PRDM15: variants seen among roughly 807,000 people sequenced by gnomAD.
PRDM15 encodes the protein PR domain zinc finger protein 15.
A neutral mutation model predicts 128.6 loss-of-function variants in PRDM15; 64 were observed. The ratio of observed to expected loss-of-function variants is 0.50; its 90% confidence interval spans 0.41 to 0.61. The LOEUF (loss-of-function observed/expected upper bound fraction) is 0.61. Ranked by LOEUF, PRDM15 falls within the 20% of genes least tolerant of loss-of-function variation. The pLI, the probability that PRDM15 is intolerant of heterozygous loss-of-function variation, is 0.00. For synonymous variants in PRDM15, 615 were observed against 621.8 expected, an observed-to-expected ratio of 0.99 and a Z score of 0.16; for missense variants, 1,242 against 1,569.1, an observed-to-expected ratio of 0.79 and a Z score of 3.52.
At chr21:41,873,350 G>C (rs941529360) in intron 1 of PRDM15, among the ~76,000 whole-genome samples, 2 of 152,138 alleles carry the variant, frequency 1.3e-5, no homozygotes, top group Non-Finnish European at 2.9e-5. Flanking sequence ...CTCACACCTC[G>C]GTTAGGCTGC....
chr21:41,815,227 G>A (rs2062010215), intron 19 of PRDM15, among the ~76,000 whole-genome samples: 1 of 152,208 alleles, frequency 6.6e-6, no homozygotes, highest in Non-Finnish European at 1.5e-5. Flanking sequence ...TCCTTTCTAT[G>A]CACATCAGCG....
Position 41,859,346 on chromosome 21 carries a change from C to G in PRDM15, c.131+246G>C, listed in dbSNP as rs1270188967. The G allele has an allele frequency of 4.1e-6, 4 of 970,728 alleles. No individual in the cohort carries two copies. Among genetic ancestry groups the G allele is most frequent in the African/African-American group, 3.2e-5 (2 of 62,298 alleles). 60.1% of individuals were successfully genotyped at this position (970,728 alleles called of 1,614,324 possible). ...CCTCCACACACTGTGTCGGGAACAG[C>G]TGGGCTCCAGCTAAGAACCCTGGAG... On this transcript the variant is annotated intron_variant, in intron 3 of 23. Transcript: ENST00000398548. The surrounding 1 kb of genome is among the most constrained non-coding windows in gnomAD (Gnocchi z 5.3).
At chr21:41,841,325 A>G (rs1353528827) in intron 6 of PRDM15, among the ~76,000 whole-genome samples, 1 of 152,268 alleles carries the variant, frequency 6.6e-6, no homozygotes, top group Non-Finnish European at 1.5e-5. Context: ...ACTTACCAAG[A>G]ATAATAATGG....
chr21:41,827,621 C>T (rs140412709), intron 12 of PRDM15, among the ~76,000 whole-genome samples: 1,626 of 152,266 alleles, frequency 0.011, 32 homozygotes, highest in African/African-American at 0.037. Context: ...GGATTCCAGG[C>T]GTGAGCCACC....
intron 7 of PRDM15, among the ~76,000 whole-genome samples, 191 bp downstream of exon 7, chr21:41,839,432 T>C (rs1466475759): frequency 1.3e-5 from 2 of 152,244 alleles, no homozygotes; most frequent in South Asian, 2.1e-4. Context: ...TAGTGTGACA[T>C]GTATTACATG....
intron 12 of PRDM15, among the ~76,000 whole-genome samples, 178 bp from the exon 13 acceptor site, chr21:41,826,232 T>A (rs1486785422): frequency 2.0e-5 from 3 of 152,206 alleles, no homozygotes; most frequent in Non-Finnish European, 4.4e-5. Context: ...GCATCAGCAC[T>A]AACCACCATT....
chr21:41,835,427 G>T lies in PRDM15; in HGVS notation c.1366+10C>A. 6.2e-7 allele frequency: 1 copy of T among 1,602,226 alleles called. No homozygotes were observed. On this transcript the variant is annotated intron_variant, in intron 11 of 23. Coordinates refer to ENST00000398548, the MANE Select transcript of PRDM15 (RefSeq NM_001040424.3). ...CAGCGGCCGAGGGGAGACGTGACCG[G>T]CGCCCTCACCTGTCCTGCAGTTGTG...
chr21:41,820,865 C>A lies in PRDM15; in HGVS notation c.2060+202G>T, dbSNP rs535897744. On this transcript the variant is annotated intron_variant, in intron 16 of 23. Coordinates refer to ENST00000398548, the MANE Select transcript of PRDM15 (RefSeq NM_001040424.3). The stretch of plus-strand genomic sequence containing the variant: ...GGCCAGCTGGTGCCAGGAGACTATG[C>A]GGAAGCACAGGATAAACCCCAGCCC... Among the ~76,000 whole-genome samples the A allele has an allele frequency of 3.9e-5, 6 of 152,336 alleles. No homozygotes were observed. The East Asian group carries it at 1.2e-3, about 29-fold the overall frequency.
In PRDM15 at chr21:41,861,852, C is replaced by G. The variant is rs576086297; in HGVS notation, c.-9-1480G>C. 6.5e-5 allele frequency: 103 copies of G among 1,576,276 alleles called. 3 individuals carry two copies. The South Asian group carries it at 1.1e-3, about 17-fold the overall frequency. ...GAGTTCCAATTTGCCCTTAAAATGC[C>G]AGAAATAACAAGGGGAGGGGGGTGA... On this transcript the variant is annotated intron_variant, in intron 1 of 23. Transcript: ENST00000398548.
At position 41,859,808 on chromosome 21, in the gene PRDM15, G is replaced by T; in HGVS notation, c.38-123C>A. 1.3e-6 allele frequency: 1 copy of T among 767,524 alleles called. No homozygotes were observed. The highest frequency in any genetic ancestry group is 2.7e-5 in the East Asian group (1 of 37,166). 47.5% of individuals were successfully genotyped at this position (767,524 alleles called of 1,614,324 possible). ...CAGAGTCATGAGACACATGCATGCC[G>T]ACACTGCAAAGACAAGCAAGGGAGG... is the stretch of plus-strand genomic sequence containing the variant. On this transcript the variant is annotated intron_variant, in intron 2 of 23. Transcript: ENST00000398548. The surrounding 1 kb of genome is among the most constrained non-coding windows in gnomAD (Gnocchi z 5.3).
At chr21:41,839,583 C>A (rs368963125) in intron 7 of PRDM15, 40 bp downstream of exon 7, 149 of 1,573,396 alleles carry the variant, frequency 9.5e-5, no homozygotes, top group Non-Finnish European at 1.3e-4. Context: ...AGGAGGGCTG[C>A]GCCCCACGCA....
In PRDM15 at chr21:41,804,570, G is replaced by C; in HGVS notation, c.2697C>G (p.Thr899=). The C allele has an allele frequency of 6.4e-7, 1 of 1,572,096 alleles. No homozygotes were observed. Among genetic ancestry groups the C allele is most frequent in the Non-Finnish European group, 8.6e-7 (1 of 1,158,520 alleles). ...RIDDLDHLPE[T]TTIDASSIGI... is the part of the protein sequence containing the mutation. Reference sequence around the variant, plus strand: ...CAATGGAGGAGGCGTCGATGGTGGTGGTCTCCGGGAGGTGGTCCAGGTCAT... The same window carrying C: ...CAATGGAGGAGGCGTCGATGGTGGTCGTCTCCGGGAGGTGGTCCAGGTCAT... The change falls in exon 22 of 24, where the codon ACC becomes ACG. Residue 899 remains threonine, a synonymous_variant. Transcript: ENST00000398548.
At position 41,821,185 on chromosome 21, in the gene PRDM15, C is replaced by T. The variant is rs770614915; in HGVS notation, c.1942G>A (p.Val648Met). 4 of 1,614,070 alleles carry T rather than the reference C, an allele frequency of 2.5e-6. No homozygotes were observed. The African/African-American group carries it at 5.3e-5, about 22-fold the overall frequency. ...CAGCCATAGCCCTTCTCCTTGTGCA[C>T]CTCCATGATGTGCTTCAGGTACTCC... ...GKEYLKHIME[V>M]HKEKGYGCSI... Residue 648 changes from valine (V) to methionine (M), a missense_variant, in exon 16 of 24, where the codon GTG (valine) becomes ATG (methionine). Val to Met is a conservative substitution (Grantham distance 21, BLOSUM62 1). Coordinates refer to ENST00000398548, the MANE Select transcript of PRDM15 (RefSeq NM_001040424.3). This position sits in a 1 kb window ranked among gnomAD's most constrained non-coding sequence, Gnocchi z 5.4.
chr21:41,802,817 A>G lies in PRDM15; in HGVS notation c.2838T>C (p.Ala946=). 2 of 1,614,158 alleles carry G rather than the reference A, an allele frequency of 1.2e-6. No homozygotes were observed. The highest frequency in any genetic ancestry group is 1.7e-6 in the Non-Finnish European group (2 of 1,180,010). The change falls in exon 23 of 24, where the codon GCT becomes GCC. Residue 946 remains alanine, a synonymous_variant. Coordinates refer to ENST00000398548, the MANE Select transcript of PRDM15 (RefSeq NM_001040424.3). ...RKQKPEEEAG[A]PVPEDATFSE... is the part of the protein sequence containing the mutation. ...TGAAGGTGGCGTCCTCGGGCACCGG[A>G]GCACCCGCCTCCTCTTCTGGCTTCT...
intron 1 of PRDM15, chr21:41,861,874 G>A (rs750402436): frequency 2.2e-5 from 35 of 1,585,950 alleles, no homozygotes; most frequent in Non-Finnish European, 2.5e-5. Context: ...GGGGAGGGGG[G>A]TGAAATTTTC....
chr21:41,818,588 T>C (rs1601183910), intron 18 of PRDM15, among the ~76,000 whole-genome samples: 1 of 152,322 alleles, frequency 6.6e-6, no homozygotes, highest in Non-Finnish European at 1.5e-5. Flanking sequence ...TTTCTGGCCT[T>C]TTCTGCAGGC....
At chr21:41,861,260 G>A (rs1020647589) in intron 1 of PRDM15, among the ~76,000 whole-genome samples, 3 of 152,160 alleles carry the variant, frequency 2.0e-5, no homozygotes, top group African/African-American at 7.2e-5. Flanking sequence ...GAGGACTCTC[G>A]TGCTCCCACA....
Position 41,804,649 on chromosome 21 carries a change from G to A in PRDM15, c.2653-35C>T, listed in dbSNP as rs1334141950. The A allele has an allele frequency of 2.7e-6, 4 of 1,501,612 alleles. No individual in the cohort carries two copies. The South Asian group carries it at 5.1e-5, about 19-fold the overall frequency. 93.0% of individuals were successfully genotyped at this position (1,501,612 alleles called of 1,614,324 possible). On this transcript the variant is annotated intron_variant, in intron 21 of 23. Coordinates refer to ENST00000398548, the MANE Select transcript of PRDM15 (RefSeq NM_001040424.3). The stretch of plus-strand genomic sequence containing the variant: ...GCACAGGGCATGAGCTGGGGGTCAG[G>A]GTGCTGCTGATGCAGGTGGGAACCC...
intron 1 of PRDM15, among the ~76,000 whole-genome samples, chr21:41,874,067 C>T (rs1022945625): frequency 2.7e-5 from 3 of 112,800 alleles, no homozygotes; most frequent in Admixed American, 2.0e-4. Flanking sequence ...GACTCTGTCT[C>T]GGGAAAAAAA....
Sources: allele counts gnomAD v4.1 joint callset (sites outside exome capture counted in the v4.1 genomes callset), GRCh38; gene constraint gnomAD v4.1.1; non-coding constraint Gnocchi (gnomAD v3.1); transcripts MANE v1.5; gene names NCBI Gene and HGNC (gene_info 2026-07-23, HGNC 2026-07-21).